The following SF3B1 variants were observed in gnomAD, a reference collection of about 807,000 sequenced individuals.
SF3B1 encodes the protein pre-mRNA processing 10.
Under a neutral mutation model 153.8 loss-of-function variants are expected in SF3B1, and 12 were observed. The ratio of observed to expected loss-of-function variants is 0.08; its 90% CI spans 0.05 to 0.13. SF3B1 has a LOEUF of 0.13. SF3B1 is among the 10% of genes least tolerant of loss of function. The probability of loss-of-function intolerance (pLI) is 1.00; values close to 1 mark genes in which losing one functional copy is unlikely to be tolerated. For synonymous variants in SF3B1, 498 were observed against 525.2 expected (o/e 0.95, Z 0.71); for missense variants, 513 against 1,606.1 (o/e 0.32, Z 11.63).
chr2:197,426,475 T>TA (rs1236267238), intron 1 of SF3B1, among the ~76,000 whole-genome samples: 1 of 152,042 alleles, frequency 6.6e-6, no homozygotes, highest in Non-Finnish European at 1.5e-5. Context: ...GCTTTTTTTT[T>TA]AAACCACAGG....
Position 197,396,094 on chromosome 2 carries a change from A to G in SF3B1, c.3501T>C (p.Tyr1167=), listed in dbSNP as rs760679466. Residue 1167 remains tyrosine (Y), a synonymous_variant, in exon 23 of 25, where the codon TAT becomes TAC. Transcript: ENST00000335508. ...CATCTTCAAGTAACGGTGTTACGGC[A>G]TAAATGTAGTCTTTTCCCATTTCAC... ...YIGEMGKDYI[Y]AVTPLLEDAL... 1 of 1,613,868 alleles carries G rather than the reference A, an allele frequency of 6.2e-7. No homozygotes were observed. The highest frequency in any genetic ancestry group is 1.1e-5 in the South Asian group (1 of 91,084).
At chr2:197,396,994 CAT>C (rs562306991) in intron 22 of SF3B1, among the ~76,000 whole-genome samples, 13 of 152,176 alleles carry the variant, frequency 8.5e-5, no homozygotes, top group Non-Finnish European at 1.9e-4. Context: ...CAGACATTCA[CAT>C]GTCATATTCC....
intron 23 of SF3B1, among the ~76,000 whole-genome samples, chr2:197,395,705 A>C (rs1283946382): frequency 1.3e-5 from 2 of 152,234 alleles, no homozygotes; most frequent in Non-Finnish European, 2.9e-5. Flanking sequence ...AAAAGCTAAA[A>C]AGATCAGGTC....
Position 197,405,261 on chromosome 2 carries a change from C to A in SF3B1, c.1437+14G>T, listed in dbSNP as rs2084977679. 6.3e-7 allele frequency: 1 copy of A among 1,597,720 alleles called. No individual in the cohort carries two copies. The highest frequency in any genetic ancestry group is 1.3e-5 in the African/African-American group (1 of 74,610). ...GAACACAATTAATAGTTTATTTCTG[C>A]TAGTATCACTTACCAATAGTTTATC... On this transcript the variant is annotated intron_variant, in intron 10 of 24. Coordinates refer to ENST00000335508, the MANE Select transcript of SF3B1 (RefSeq NM_012433.4).
At position 197,410,024 on chromosome 2, in the gene SF3B1, A is replaced by C. The variant is rs777622577; in HGVS notation, c.667-17T>G. The C allele has an allele frequency of 4.5e-6, 7 of 1,542,622 alleles. No individual in the cohort carries two copies. The highest frequency in any genetic ancestry group is 1.8e-4 in the Middle Eastern group (1 of 5,592). On this transcript the variant is annotated splice_polypyrimidine_tract_variant and intron_variant, in intron 6 of 24. Transcript: ENST00000335508. ...CCCAGGGGTCTTAAAAAAGCAAAAA[A>C]ATTTTATTTCACACACCCACACAGA...
chr2:197,414,495 G>C (rs1446295028), intron 6 of SF3B1, among the ~76,000 whole-genome samples: 1 of 152,134 alleles, frequency 6.6e-6, no homozygotes, highest in Non-Finnish European at 1.5e-5. Context: ...AAGCAAGAAA[G>C]ACTAAAACCC....
rs768864284 is a variant in SF3B1, at chr2:197,421,114, G to A, written c.215C>T (p.Ser72Leu). ...ELEDDDDDYSSSTSLLGQKKP... is the reference protein window; with the variant it reads ...ELEDDDDDYSLSTSLLGQKKP... ...CTTCTGACCAAGCAAACTCGTAGAT[G>A]ATGAATAGTCATCGTCATCCTGCAA... The change falls in exon 3 of 25, where the codon TCA (serine) becomes TTA (leucine). Residue 72 changes from serine (S) to leucine (L), a missense_variant. By Grantham distance (145) the Ser-to-Leu change is moderately radical. This residue lies in a region of SF3B1 where 56 missense variants were observed against 75.6 expected (regional missense o/e 0.74). Coordinates refer to ENST00000335508, the MANE Select transcript of SF3B1 (RefSeq NM_012433.4). 5 of 1,612,432 alleles carry A rather than the reference G, an allele frequency of 3.1e-6. No individual in the cohort carries two copies. The highest frequency in any genetic ancestry group is 1.3e-5 in the African/African-American group (1 of 74,850).
At chr2:197,417,432 T>C (rs958523914) in intron 5 of SF3B1, among the ~76,000 whole-genome samples, 1 of 152,052 alleles carries the variant, frequency 6.6e-6, no homozygotes, top group Non-Finnish European at 1.5e-5. Context: ...AAATCTATTA[T>C]ATATTCATAA....
At chr2:197,423,328 A>C (rs538368838) in intron 2 of SF3B1, among the ~76,000 whole-genome samples, 74 of 151,778 alleles carry the variant, frequency 4.9e-4, no homozygotes, top group Admixed American at 1.1e-3. Context: ...CGGAGGTTGC[A>C]GTCCACTGCA....
In SF3B1 at chr2:197,389,865, GA is replaced by G. The variant is rs1559260829; in HGVS notation, c.*2437del. On this transcript the variant is annotated 3_prime_UTR_variant, in exon 25 of 25. Coordinates refer to ENST00000335508, the MANE Select transcript of SF3B1 (RefSeq NM_012433.4). ...ACAACAAATTTTAAAAATACAATAT[GA>G]AAAAAATCAAACAGCCAGAGATCAA... The G allele has an allele frequency of 6.6e-6, 1 of 151,904 alleles. No individual in the cohort carries two copies. The highest frequency in any genetic ancestry group is 2.4e-5 in the African/African-American group (1 of 41,334). The allele number at this position is 151,904 out of a possible 1,614,324, so 9.4% of individuals were successfully genotyped here.
chr2:197,419,938 C>T (rs1025402780), intron 4 of SF3B1: 7 of 221,738 alleles, frequency 3.2e-5, no homozygotes, highest in East Asian at 6.6e-5. Flanking sequence ...TCAAACTCTT[C>T]GTATACATAC....
At chr2:197,428,886 G>A (rs1007614591) in intron 1 of SF3B1, among the ~76,000 whole-genome samples, 11 of 151,882 alleles carry the variant, frequency 7.2e-5, no homozygotes, top group Non-Finnish European at 1.0e-4. Context: ...CAAGAGAATC[G>A]CTTGAGTCTG....
At chr2:197,418,720 TTA>T in intron 4 of SF3B1, 132 bp from the exon 5 acceptor site, 1 of 1,449,018 alleles carries the variant, frequency 6.9e-7, no homozygotes. Flanking sequence ...ATGGAAAACT[TTA>T]ATAATTATAC....
intron 4 of SF3B1, 65 bp downstream of exon 4, chr2:197,420,363 A>C (rs1441887574): frequency 1.6e-6 from 2 of 1,222,868 alleles, no homozygotes; most frequent in Non-Finnish European, 2.4e-6. Flanking sequence ...AAAAAATCAA[A>C]GGGCTAAAGA....
chr2:197,434,813 A>C, intron 1 of SF3B1, among the ~76,000 whole-genome samples, 159 bp downstream of exon 1: 1 of 152,268 alleles, frequency 6.6e-6, no homozygotes, highest in Admixed American at 6.5e-5. Flanking sequence ...TACGCGGGGC[A>C]GTGGCCTGCG....
chr2:197,421,280 G>T, intron 2 of SF3B1, 147 bp from the exon 3 acceptor site: 2 of 534,490 alleles, frequency 3.7e-6, no homozygotes, highest in East Asian at 3.2e-5. Flanking sequence ...AAACACAATT[G>T]GTCTTCTTTC....
chr2:197,427,947 G>A (rs1311024815), intron 1 of SF3B1, among the ~76,000 whole-genome samples: 1 of 151,996 alleles, frequency 6.6e-6, no homozygotes, highest in Non-Finnish European at 1.5e-5. Context: ...GAACCCAAGA[G>A]GCAGAGGATG....
chr2:197,418,955 G>C (rs1291379458), intron 4 of SF3B1: 35 of 1,595,050 alleles, frequency 2.2e-5, no homozygotes, highest in Non-Finnish European at 2.9e-5. Flanking sequence ...TAGAAGCCTA[G>C]AAAATTATCT....
At chr2:197,433,412 A>G (rs2085472754) in intron 1 of SF3B1, among the ~76,000 whole-genome samples, 1 of 152,252 alleles carries the variant, frequency 6.6e-6, no homozygotes, top group African/African-American at 2.4e-5. Flanking sequence ...GAAGTTACCA[A>G]TAAATAAGTA....
Sources: allele counts gnomAD v4.1 joint callset (sites outside exome capture counted in the v4.1 genomes callset), GRCh38; gene constraint gnomAD v4.1.1; regional missense constraint gnomAD v4.1.1; transcripts MANE v1.5; gene names NCBI Gene and HGNC (gene_info 2026-07-23, HGNC 2026-07-21).